PDE4D: variants seen among roughly 807,000 people sequenced by gnomAD.
The protein encoded by PDE4D is 3',5'-cyclic-AMP phosphodiesterase 4D.
Under a neutral mutation model 87.4 loss-of-function variants are expected in PDE4D, and 24 were observed. The observed-to-expected ratio is 0.27, with a 90% confidence interval of 0.20 to 0.39. The LOEUF (loss-of-function observed/expected upper bound fraction) is 0.39, where lower values mean the gene tolerates loss of function less well. Ranked by LOEUF, PDE4D falls within the 10% of genes least tolerant of loss-of-function variation. PDE4D has a pLI of 1.00. For synonymous variants in PDE4D, 384 were observed against 383.2 expected (o/e 1.00, Z -0.02); for missense variants, 714 against 1,041.0 (o/e 0.69, Z 4.32).
chr5:59,628,146 A>T (rs1831120511), intron 1 of PDE4D, among the ~76,000 whole-genome samples: 2 of 152,198 alleles, frequency 1.3e-5, no homozygotes, highest in South Asian at 4.1e-4. Flanking sequence ...AGCTTTTCAA[A>T]ACTTCAAGGG....
At chr5:59,156,333 G>GATATA in intron 5 of PDE4D, among the ~76,000 whole-genome samples, 1 of 75,176 alleles carries the variant, frequency 1.3e-5, no homozygotes. Flanking sequence ...ATATATATAT[G>GATATA]TGTGTGTGTG....
At chr5:59,830,237 C>T (rs1481239001) in intron 1 of PDE4D, among the ~76,000 whole-genome samples, 1 of 152,056 alleles carries the variant, frequency 6.6e-6, no homozygotes, top group African/African-American at 2.4e-5. Flanking sequence ...GGCTCCCTTG[C>T]TAGTGTTCCA....
intron 2 of PDE4D, among the ~76,000 whole-genome samples, chr5:60,003,081 G>A (rs944188901): frequency 6.6e-6 from 1 of 151,712 alleles, no homozygotes; most frequent in Non-Finnish European, 1.5e-5. Flanking sequence ...TCAACATACA[G>A]CAACTAGTTG....
intron 1 of PDE4D, among the ~76,000 whole-genome samples, chr5:59,632,684 A>G (rs1413619894): frequency 6.6e-6 from 1 of 152,246 alleles, no homozygotes; most frequent in African/African-American, 2.4e-5. Flanking sequence ...AAGCAATAGC[A>G]TCAACATCAA....
At chr5:60,516,411 G>T (rs1750804317) in intron 1 of PDE4D, among the ~76,000 whole-genome samples, 1 of 152,230 alleles carries the variant, frequency 6.6e-6, no homozygotes, top group Non-Finnish European at 1.5e-5. Context: ...ACCTGTCTCT[G>T]TCTGGCTCTC....
At position 59,427,048 on chromosome 5, in the gene PDE4D, CAT is replaced by C. The variant is rs1359022224; in HGVS notation, c.456-211082_456-211081del. Among the ~76,000 whole-genome samples, 11 of 82,304 alleles carry C rather than the reference CAT, an allele frequency of 1.3e-4. No individual in the cohort carries two copies. In the East Asian group the frequency reaches 2.1e-3, roughly 16 times the overall value. The allele number at this position is 82,304 out of a possible 152,430, so 54.0% of individuals were successfully genotyped here. A position where few individuals can be genotyped will look rare whatever the true frequency, so the allele number is the denominator to read the frequency against. ...ACACACACACACACACACACACACACATTACATATATACAAATATATACTTTT... is the reference window on the plus strand; with the variant it reads ...ACACACACACACACACACACACACACTACATATATACAAATATATACTTTT... On this transcript the variant is annotated intron_variant, in intron 1 of 14. Coordinates refer to ENST00000340635, the MANE Select transcript of PDE4D (RefSeq NM_001104631.2).
At chr5:59,240,309 C>T (rs1561788325) in intron 1 of PDE4D, among the ~76,000 whole-genome samples, 1 of 152,090 alleles carries the variant, frequency 6.6e-6, no homozygotes, top group South Asian at 2.1e-4. Flanking sequence ...AGCAATTTTC[C>T]TATTATAAAC....
chr5:60,192,401 G>T (rs970430964), intron 1 of PDE4D, among the ~76,000 whole-genome samples: 1 of 152,016 alleles, frequency 6.6e-6, no homozygotes, highest in Non-Finnish European at 1.5e-5. Flanking sequence ...AGCTTTAATG[G>T]TATTATACAC....
At chr5:59,801,460 T>C (rs890280094) in intron 1 of PDE4D, among the ~76,000 whole-genome samples, 9 of 152,228 alleles carry the variant, frequency 5.9e-5, no homozygotes, top group Admixed American at 5.9e-4. Flanking sequence ...TATCTATCTA[T>C]CTACTAACTT....
At chr5:59,008,430 C>A (rs76450034) in intron 6 of PDE4D, among the ~76,000 whole-genome samples, 15,338 of 151,970 alleles carry the variant, frequency 0.1, 1,033 homozygotes, top group Non-Finnish European at 0.13. Context: ...TTACACATAT[C>A]ACTTTAATAT....
chr5:59,536,624 C>G (rs1815322829), intron 1 of PDE4D, among the ~76,000 whole-genome samples: 1 of 151,042 alleles, frequency 6.6e-6, no homozygotes, highest in Admixed American at 6.6e-5. Context: ...TATGCATTTG[C>G]AATATTTAAC....
intron 1 of PDE4D, among the ~76,000 whole-genome samples, chr5:60,445,859 T>C (rs898857317): frequency 2.0e-5 from 3 of 152,052 alleles, no homozygotes; most frequent in Non-Finnish European, 4.4e-5. Context: ...TGTAAAAATA[T>C]ACCCAAGGGA....
intron 1 of PDE4D, among the ~76,000 whole-genome samples, chr5:59,556,942 A>C (rs1160657369): frequency 6.6e-6 from 1 of 152,194 alleles, no homozygotes; most frequent in East Asian, 1.9e-4. Context: ...CAAATACATA[A>C]AATGACTTAC....
intron 1 of PDE4D, among the ~76,000 whole-genome samples, chr5:59,244,722 G>A (rs865890089): frequency 1.1e-3 from 135 of 126,766 alleles, no homozygotes; most frequent in Non-Finnish European, 2.0e-3. Context: ...GTGTGTGTGT[G>A]TATAGAGAGA....
At chr5:60,436,049 A>G (rs1253544834) in intron 1 of PDE4D, among the ~76,000 whole-genome samples, 1 of 151,944 alleles carries the variant, frequency 6.6e-6, no homozygotes, top group Non-Finnish European at 1.5e-5. Flanking sequence ...AGATAATGAA[A>G]CTCTGGAGAA....
intron 1 of PDE4D, among the ~76,000 whole-genome samples, chr5:59,674,134 G>A (rs145036151): frequency 1.4e-4 from 21 of 152,260 alleles, no homozygotes; most frequent in Non-Finnish European, 2.4e-4. Context: ...ACTATTTAGA[G>A]ATTAACCTAT....
At chr5:60,288,271 C>T (rs1331265260) in intron 1 of PDE4D, among the ~76,000 whole-genome samples, 1 of 152,186 alleles carries the variant, frequency 6.6e-6, no homozygotes, top group Non-Finnish European at 1.5e-5. Context: ...CAAATACTTA[C>T]AGGAGGAGGT....
At chr5:59,797,279 G>C (rs536210358) in intron 1 of PDE4D, 1 of 152,318 alleles carries the variant, frequency 6.6e-6, no homozygotes, top group African/African-American at 2.4e-5. Context: ...TGGAAATATT[G>C]TCATGGACAT....
intron 1 of PDE4D, among the ~76,000 whole-genome samples, chr5:60,379,466 G>A (rs555208726): frequency 6.6e-6 from 1 of 152,242 alleles, no homozygotes; most frequent in African/African-American, 2.4e-5. Context: ...TCTATTCTTG[G>A]GAAGTGCAAA....
Sources: gnomAD v4.1 joint callset for allele counts (sites outside exome capture counted in the v4.1 genomes callset) on GRCh38, gnomAD v4.1.1 for gene constraint, MANE v1.5 for transcripts, NCBI Gene and HGNC (gene_info 2026-07-23, HGNC 2026-07-21) for gene names.